Variants in FBLN1 observed in about 807,000 individuals in gnomAD.
The protein encoded by FBLN1 is fibulin-1.
FBLN1 carries 34 observed loss-of-function variants against 89.7 expected under a neutral mutation model. The ratio of observed to expected loss-of-function variants is 0.38; its 90% CI spans 0.29 to 0.50. FBLN1 has a LOEUF of 0.50. Ranked by LOEUF, FBLN1 falls within the 20% of genes least tolerant of loss-of-function variation. FBLN1 has a pLI of 0.92. For missense variants in FBLN1, 777 were observed against 988.1 expected, an observed-to-expected ratio of 0.79 and a Z score of 2.86; for synonymous variants, 393 against 391.3, an observed-to-expected ratio of 1.00 and a Z score of -0.05.
At chr22:45,546,436 G>A (rs538439574) in intron 11 of FBLN1, among the ~76,000 whole-genome samples, 2 of 152,270 alleles carry the variant, frequency 1.3e-5, no homozygotes, top group East Asian at 1.9e-4. Context: ...GGCTGGTCTC[G>A]AACCCCTGAC....
At position 45,571,189 on chromosome 22, in the gene FBLN1, T is replaced by C. The variant is rs572455924; in HGVS notation, c.1698-3322T>C. On this transcript the variant is annotated intron_variant, in intron 14 of 16. Coordinates refer to ENST00000327858, the MANE Select transcript of FBLN1 (RefSeq NM_006486.3). ...ACTATGAACATTTAAACAAAAACAGTAAGTGATTTATAAAGGAAAAAAAAT... is the reference window on the plus strand; with the variant it reads ...ACTATGAACATTTAAACAAAAACAGCAAGTGATTTATAAAGGAAAAAAAAT... 5.9e-5 allele frequency among the ~76,000 whole-genome samples: 8 copies of C among 135,788 alleles called. No individual in the cohort carries two copies. In the South Asian group the frequency reaches 1.9e-3, roughly 32 times the overall value. The allele number at this position is 135,788 out of a possible 152,430, so 89.1% of individuals were successfully genotyped here. A position where few individuals can be genotyped will look rare whatever the true frequency, so the allele number is the denominator to read the frequency against.
At chr22:45,584,418 G>A (rs3788658) in intron 16 of FBLN1, among the ~76,000 whole-genome samples, 20,294 of 152,136 alleles carry the variant, frequency 0.13, 1,579 homozygotes, top group African/African-American at 0.21. Flanking sequence ...CAAGTTTACC[G>A]TTTGAAAAAT....
At chr22:45,559,651 ATTAATTACCTGACCTCC>A (rs1034832633) in intron 14 of FBLN1, among the ~76,000 whole-genome samples, 1 of 152,182 alleles carries the variant, frequency 6.6e-6, no homozygotes, top group Admixed American at 6.5e-5. Flanking sequence ...CTAAAACTCC[ATTAATTACCTGACCTCC>A]TTAAGCCCCT....
At chr22:45,527,763 G>T in intron 3 of FBLN1, 84 bp from the exon 4 acceptor site, 1 of 1,460,532 alleles carries the variant, frequency 6.8e-7, no homozygotes, top group Non-Finnish European at 9.5e-7. Flanking sequence ...AGGGGGCTCA[G>T]AGAGGCCTCC....
intron 1 of FBLN1, among the ~76,000 whole-genome samples, chr22:45,512,927 T>C (rs2088120851): frequency 6.6e-6 from 1 of 152,156 alleles, no homozygotes; most frequent in African/African-American, 2.4e-5. Context: ...CTGGCCTTTT[T>C]GTTGTTGTTG....
chr22:45,564,136 C>T (rs988378771), intron 14 of FBLN1, among the ~76,000 whole-genome samples: 2 of 152,174 alleles, frequency 1.3e-5, no homozygotes, highest in Admixed American at 1.3e-4. Context: ...GGTTTACTGA[C>T]TCCACAGATC....
intron 11 of FBLN1, among the ~76,000 whole-genome samples, chr22:45,546,170 A>G (rs1569249248): frequency 1.0e-5 from 1 of 98,068 alleles, no homozygotes. Context: ...ACAGACAAAG[A>G]CTTTGTCTCA....
intron 5 of FBLN1, 52 bp from the exon 6 acceptor site, chr22:45,533,011 C>A (rs1306431026): frequency 1.3e-6 from 2 of 1,537,266 alleles, no homozygotes; most frequent in African/African-American, 1.4e-5. Flanking sequence ...AGCTAGAAAC[C>A]AGGCGGTGCC....
Position 45,533,178 on chromosome 22 carries a change from C to G in FBLN1, c.646+14C>G. On this transcript the variant is annotated intron_variant, in intron 6 of 16. Coordinates refer to ENST00000327858, the MANE Select transcript of FBLN1 (RefSeq NM_006486.3). ...TCTCCTGTGAAGGTAATGTCCCTAT[C>G]CCAGGTGCCAGCAGGACTGGCCGGT... The G allele has an allele frequency of 6.2e-7, 1 of 1,609,234 alleles. No homozygotes were observed. Among genetic ancestry groups the G allele is most frequent in the South Asian group, 1.1e-5 (1 of 90,990 alleles).
rs1204551120 is a variant in FBLN1, at chr22:45,572,832, A to G, written c.1698-1679A>G. Among the ~76,000 whole-genome samples the G allele has an allele frequency of 6.6e-6, 1 of 152,256 alleles. No individual in the cohort carries two copies. The highest frequency in any genetic ancestry group is 2.4e-5 in the African/African-American group (1 of 41,462). Reference sequence around the variant, plus strand: ...GTCCAAGAAATCCAGTGGACAGAGGACCATGCTGAACTGCACCGTGAGGAT... The same window carrying G: ...GTCCAAGAAATCCAGTGGACAGAGGGCCATGCTGAACTGCACCGTGAGGAT... On this transcript the variant is annotated intron_variant, in intron 14 of 16. Coordinates refer to ENST00000327858, the MANE Select transcript of FBLN1 (RefSeq NM_006486.3). The surrounding 1 kb of genome is among the most constrained non-coding windows in gnomAD (Gnocchi z 5.8).
chr22:45,521,468 GT>G (rs1569237582), intron 2 of FBLN1, among the ~76,000 whole-genome samples: 1 of 152,256 alleles, frequency 6.6e-6, no homozygotes, highest in African/African-American at 2.4e-5. Flanking sequence ...TGCCTCTCAA[GT>G]GAGCTACTGA....
rs1350574786 is a variant in FBLN1 at position 45,502,958 on chromosome 22, G to A, written c.-28G>A. 8.5e-6 allele frequency: 9 copies of A among 1,064,952 alleles called. No homozygotes were observed. Among genetic ancestry groups the A allele is most frequent in the Middle Eastern group, 4.0e-4 (1 of 2,510 alleles). The allele number at this position is 1,064,952 out of a possible 1,614,324, so 66.0% of individuals were successfully genotyped here. ...GACCGCGCCCGCGCCTTTGTCCGCC[G>A]CCGCCCACCGCCCGTCGCCCGCCGC... On this transcript the variant is annotated 5_prime_UTR_variant, in exon 1 of 17. Coordinates refer to ENST00000327858, the MANE Select transcript of FBLN1 (RefSeq NM_006486.3).
intron 16 of FBLN1, among the ~76,000 whole-genome samples, chr22:45,599,644 A>G (rs1601551510): frequency 6.6e-6 from 1 of 152,294 alleles, no homozygotes; most frequent in East Asian, 1.9e-4. Flanking sequence ...TAGGCCAGTC[A>G]CGGTCGCTCA....
chr22:45,558,994 G>A lies in FBLN1; in HGVS notation c.1697+8379G>A, dbSNP rs115230712. 3.0e-3 allele frequency among the ~76,000 whole-genome samples: 462 copies of A among 152,284 alleles called. 4 individuals are homozygous for A. Among genetic ancestry groups the A allele is most frequent in the African/African-American group, 0.011 (444 of 41,562 alleles). On this transcript the variant is annotated intron_variant, in intron 14 of 16. Coordinates refer to ENST00000327858, the MANE Select transcript of FBLN1 (RefSeq NM_006486.3). ...GTGATATCTTGCAGAAGCGAAATGC[G>A]ATCAAGGTCTCTCCGAATAAGATTA...
chr22:45,579,102 C>T lies in FBLN1; in HGVS notation c.1972+1994C>T, dbSNP rs6007094. On this transcript the variant is annotated intron_variant, in intron 16 of 16. Transcript: ENST00000327858. This position sits in a 1 kb window ranked among gnomAD's most constrained non-coding sequence, Gnocchi z 5.5. Reference sequence around the variant, plus strand: ...ACATCCTTCCTGGGGTGACCCAAGCCAAGAGGTTGGGCAGCTGCTGGGCCT... The same window carrying T: ...ACATCCTTCCTGGGGTGACCCAAGCTAAGAGGTTGGGCAGCTGCTGGGCCT... Among the ~76,000 whole-genome samples, 6,751 of 152,298 alleles carry T rather than the reference C, an allele frequency of 0.044. 489 individuals carry two copies. Among genetic ancestry groups the T allele is most frequent in the African/African-American group, 0.15 (6,312 of 41,548 alleles).
intron 16 of FBLN1, among the ~76,000 whole-genome samples, chr22:45,599,132 C>T (rs1407950402): frequency 1.3e-5 from 2 of 152,208 alleles, no homozygotes; most frequent in Non-Finnish European, 2.9e-5. Flanking sequence ...GGTTGCTCCT[C>T]TTCTACCCTG....
intron 1 of FBLN1, among the ~76,000 whole-genome samples, chr22:45,516,872 G>A (rs1602165534): frequency 6.6e-6 from 1 of 152,224 alleles, no homozygotes; most frequent in Admixed American, 6.5e-5. Context: ...TGGGGGACAT[G>A]GTTCTAGGTG....
chr22:45,540,395 C>T (rs1458758588), intron 8 of FBLN1, among the ~76,000 whole-genome samples: 1 of 152,166 alleles, frequency 6.6e-6, no homozygotes, highest in African/African-American at 2.4e-5. Flanking sequence ...GAAGGGCTGA[C>T]TCATTTGACT....
intron 14 of FBLN1, among the ~76,000 whole-genome samples, chr22:45,554,872 T>A (rs2088758666): frequency 1.3e-5 from 2 of 152,230 alleles, no homozygotes; most frequent in African/African-American, 4.8e-5. Context: ...AATTAGAACT[T>A]GTTACTATCC....
Sources: gnomAD v4.1 joint callset for allele counts (sites outside exome capture counted in the v4.1 genomes callset) on GRCh38, gnomAD v4.1.1 for gene constraint, Gnocchi (gnomAD v3.1) non-coding constraint, MANE v1.5 for transcripts, NCBI Gene and HGNC (gene_info 2026-07-23, HGNC 2026-07-21) for gene names.